Variants in ZNF691 observed in about 807,000 individuals in gnomAD.
ZNF691 encodes zinc finger protein 691.
In ZNF691, 11 loss-of-function variants were observed where a neutral mutation model predicts 24.1. The ratio of observed to expected loss-of-function variants is 0.46; its 90% CI spans 0.29 to 0.75. The LOEUF is 0.75. Among genes scored for constraint, ZNF691 ranks in the 30% least tolerant of loss-of-function variants. ZNF691 has a pLI of 0.11. For missense variants in ZNF691, 356 were observed against 409.0 expected, an observed-to-expected ratio of 0.87 and a Z score of 1.12; for synonymous variants, 149 against 153.9, an observed-to-expected ratio of 0.97 and a Z score of 0.23.
At chr1:42,848,467 C>T (rs1369680903) in intron 1 of ZNF691, among the ~76,000 whole-genome samples, 1 of 152,086 alleles carries the variant, frequency 6.6e-6, no homozygotes, top group Non-Finnish European at 1.5e-5. Flanking sequence ...ATAAGCCAAG[C>T]ACAAGATTCT....
At chr1:42,850,794 T>G in intron 3 of ZNF691, 156 bp from the exon 4 acceptor site, 1 of 1,549,032 alleles carries the variant, frequency 6.5e-7, no homozygotes, top group Non-Finnish European at 8.7e-7. Context: ...AGGTAGCAAG[T>G]AAAGGTATTC....
At chr1:42,849,817 T>A (rs1007497256) in intron 3 of ZNF691, 75 bp downstream of exon 3, 112 of 1,268,596 alleles carry the variant, frequency 8.8e-5, no homozygotes, top group Non-Finnish European at 1.1e-4. Flanking sequence ...TAGCACACAT[T>A]AGTGATGTTT....
chr1:42,850,562 A>G, intron 3 of ZNF691: 2 of 1,488,182 alleles, frequency 1.3e-6, no homozygotes, highest in South Asian at 2.8e-5. Flanking sequence ...AAAAAGAGTT[A>G]CAGTTAACTT....
chr1:42,847,787 T>G (rs1655280097), intron 1 of ZNF691, among the ~76,000 whole-genome samples: 1 of 152,268 alleles, frequency 6.6e-6, no homozygotes, highest in Non-Finnish European at 1.5e-5. Flanking sequence ...TTCTGCCACT[T>G]ACTTGCTGTG....
At position 42,851,586 on chromosome 1, in the gene ZNF691, A is replaced by T. The variant is rs1220549797; in HGVS notation, c.721A>T (p.Ser241Cys). 1.2e-6 allele frequency: 2 copies of T among 1,614,216 alleles called. No homozygotes were observed. ...TGGGAAGAGCTTCAGCAACAGCTCC[A>T]GCTTTGGCGTGCATCACCGCACCCA... is the stretch of plus-strand genomic sequence containing the variant. ...ECGKSFSNSS[S>C]FGVHHRTHTG... The change falls in exon 4 of 4, where the codon AGC becomes TGC. Residue 241 changes from serine (S) to cysteine (C), a missense_variant. Coordinates refer to ENST00000651192, the MANE Select transcript of ZNF691 (RefSeq NM_001242739.2). The surrounding 1 kb of genome is among the most constrained non-coding windows in gnomAD (Gnocchi z 4.7).
chr1:42,852,180 C>G lies in ZNF691; in HGVS notation c.*367C>G. ...TGGGTGTCACTGTCTGAAGGTTCTC[C>G]AAATTGTCTGTGAACTGCTTAGGTA... On this transcript the variant is annotated 3_prime_UTR_variant, in exon 4 of 4. Coordinates refer to ENST00000651192, the MANE Select transcript of ZNF691 (RefSeq NM_001242739.2). 5.1e-6 allele frequency: 2 copies of G among 389,124 alleles called. No homozygotes were observed. Among genetic ancestry groups the G allele is most frequent in the Non-Finnish European group, 1.0e-5 (2 of 194,324 alleles). 24.1% of individuals were successfully genotyped at this position (389,124 alleles called of 1,614,324 possible).
chr1:42,849,521 T>G, intron 2 of ZNF691, 44 bp from the exon 3 acceptor site: 1 of 739,658 alleles, frequency 1.4e-6, no homozygotes, highest in Non-Finnish European at 2.4e-6. Context: ...CAACCCTAAA[T>G]GTAGTCAGTA....
chr1:42,848,225 A>C (rs1430126479), intron 1 of ZNF691, among the ~76,000 whole-genome samples: 1 of 152,112 alleles, frequency 6.6e-6, no homozygotes, highest in Non-Finnish European at 1.5e-5. Context: ...TGAATAGCTC[A>C]TTGCGTAGAG....
intron 3 of ZNF691, among the ~76,000 whole-genome samples, chr1:42,849,952 CTG>C (rs753059465): frequency 2.0e-5 from 3 of 151,368 alleles, no homozygotes; most frequent in African/African-American, 7.3e-5. Flanking sequence ...GAGTGTGTGT[CTG>C]TGTGTGGTGT....
rs1369131937 is a variant in ZNF691, at chr1:42,851,402, C to G, written c.537C>G (p.Ser179Arg). The G allele has an allele frequency of 1.2e-6, 2 of 1,614,170 alleles. No individual in the cohort carries two copies. Among genetic ancestry groups the G allele is most frequent in the Admixed American group, 3.3e-5 (2 of 60,030 alleles). The change falls in exon 4 of 4, where the codon AGC (serine) becomes AGG (arginine). Residue 179 changes from serine (S) to arginine (R), a missense_variant. Coordinates refer to ENST00000651192, the MANE Select transcript of ZNF691 (RefSeq NM_001242739.2). This position sits in a 1 kb window ranked among gnomAD's most constrained non-coding sequence, Gnocchi z 4.7. ...ACAAATGCCCCAAGTGCCAGGAGAG[C>G]TTTCGGCGGCGCTCAGACCTCACCA... ...KHYKCPKCQESFRRRSDLTTH... is the reference protein window; with the variant it reads ...KHYKCPKCQERFRRRSDLTTH...
In ZNF691 at chr1:42,851,863, A is replaced by G. The variant is rs1655406277; in HGVS notation, c.*50A>G. The stretch of plus-strand genomic sequence containing the variant: ...GAGAGAGAGTGAGAGACCCTAACCT[A>G]TTGGAGGAAGATCTTCAGCATCTTT... On this transcript the variant is annotated 3_prime_UTR_variant, in exon 4 of 4. Coordinates refer to ENST00000651192, the MANE Select transcript of ZNF691 (RefSeq NM_001242739.2). The surrounding 1 kb of genome is among the most constrained non-coding windows in gnomAD (Gnocchi z 4.7). 6.2e-7 allele frequency: 1 copy of G among 1,610,162 alleles called. No individual in the cohort carries two copies. The highest frequency in any genetic ancestry group is 8.5e-7 in the Non-Finnish European group (1 of 1,178,030).
intron 3 of ZNF691, among the ~76,000 whole-genome samples, 174 bp downstream of exon 3, chr1:42,849,916 T>C (rs1655334821): frequency 6.6e-6 from 1 of 151,944 alleles, no homozygotes; most frequent in African/African-American, 2.4e-5. Context: ...TGTGTCTGTG[T>C]TTATCTTTGT....
chr1:42,852,012 A>G lies in ZNF691; in HGVS notation c.*199A>G. On this transcript the variant is annotated 3_prime_UTR_variant, in exon 4 of 4. Transcript: ENST00000651192. ...GGAATAAAAACCCTTGCCTCTTTCCAGGCCAATTTCTCGTGTTGGAAAGTC... is the reference window on the plus strand; with the variant it reads ...GGAATAAAAACCCTTGCCTCTTTCCGGGCCAATTTCTCGTGTTGGAAAGTC... The G allele has an allele frequency of 3.5e-6, 3 of 846,972 alleles. No homozygotes were observed. The highest frequency in any genetic ancestry group is 4.1e-5 in the Admixed American group (2 of 48,928). The allele number at this position is 846,972 out of a possible 1,614,324, so 52.5% of individuals were successfully genotyped here. A position where few individuals can be genotyped will look rare whatever the true frequency, so the allele number is the denominator to read the frequency against.
chr1:42,851,990 A>G lies in ZNF691; in HGVS notation c.*177A>G, dbSNP rs1338100267. On this transcript the variant is annotated 3_prime_UTR_variant, in exon 4 of 4. Coordinates refer to ENST00000651192, the MANE Select transcript of ZNF691 (RefSeq NM_001242739.2). The surrounding 1 kb of genome is among the most constrained non-coding windows in gnomAD (Gnocchi z 4.7). ...GGAAGTCCTGAGGAGGGACTCTGGA[A>G]TAAAAACCCTTGCCTCTTTCCAGGC... The G allele has an allele frequency of 9.9e-7, 1 of 1,007,606 alleles. No homozygotes were observed. The highest frequency in any genetic ancestry group is 1.4e-5 in the South Asian group (1 of 72,512). The allele number at this position is 1,007,606 out of a possible 1,614,324, so 62.4% of individuals were successfully genotyped here.
intron 3 of ZNF691, chr1:42,850,402 G>A: frequency 1.0e-6 from 1 of 985,228 alleles, no homozygotes; most frequent in African/African-American, 1.7e-5. Context: ...GGCTGGAGAG[G>A]GGTAGAGTGG....
chr1:42,852,441 C>T lies in ZNF691; in HGVS notation c.*628C>T, dbSNP rs1237266076. ...CCCTCCCCCAACCTGCCTCTGTTTT[C>T]CCCAGAGTGATTAGCAGTAAAACCC... On this transcript the variant is annotated 3_prime_UTR_variant, in exon 4 of 4. Transcript: ENST00000651192. 1 of 180,712 alleles carries T rather than the reference C, an allele frequency of 5.5e-6. No homozygotes were observed. The highest frequency in any genetic ancestry group is 2.4e-5 in the African/African-American group (1 of 41,556). The allele number at this position is 180,712 out of a possible 1,614,324, so 11.2% of individuals were successfully genotyped here. A position where few individuals can be genotyped will look rare whatever the true frequency, so the allele number is the denominator to read the frequency against.
chr1:42,850,366 A>G, intron 3 of ZNF691: 4 of 978,882 alleles, frequency 4.1e-6, no homozygotes, highest in Non-Finnish European at 4.9e-6. Context: ...ATTAACCCAG[A>G]TGTTTACTTG....
intron 3 of ZNF691, among the ~76,000 whole-genome samples, chr1:42,850,160 C>T (rs144983383): frequency 6.4e-4 from 93 of 145,916 alleles, no homozygotes; most frequent in African/African-American, 2.3e-3. Context: ...TGAGTATGAC[C>T]GTGTTACGTG....
rs1655330224 is a variant in ZNF691 at position 42,849,752 on chromosome 1, C to T, written c.84+10C>T. ...ACCACTCTCATCAGAGGTACTTTTC[C>T]CCCCAACTCTTTCCCTGTCCTTGGC... On this transcript the variant is annotated intron_variant, in intron 3 of 3. Transcript: ENST00000651192. 2.6e-6 allele frequency: 4 copies of T among 1,549,490 alleles called. No homozygotes were observed. The highest frequency in any genetic ancestry group is 3.5e-6 in the Non-Finnish European group (4 of 1,145,654).
Sources: allele counts gnomAD v4.1 joint callset (sites outside exome capture counted in the v4.1 genomes callset), GRCh38; gene constraint gnomAD v4.1.1; non-coding constraint Gnocchi (gnomAD v3.1); transcripts MANE v1.5; gene names NCBI Gene and HGNC (gene_info 2026-07-23, HGNC 2026-07-21).